The following AOPEP variants were observed in gnomAD, a reference collection of about 807,000 sequenced individuals.
The protein encoded by AOPEP is aminopeptidase O.
In AOPEP, 77 loss-of-function variants were observed where a neutral mutation model predicts 98.1. That is an observed-to-expected ratio of 0.78 (90% CI 0.65 to 0.95). The LOEUF is 0.95. Among genes scored for constraint, AOPEP ranks in the 40% least tolerant of loss-of-function variants. The pLI is 0.00. For synonymous variants in AOPEP, 346 were observed against 365.3 expected (o/e 0.95, Z 0.60); for missense variants, 1,024 against 1,024.7 (o/e 1.00, Z 0.01).
At chr9:95,020,549 G>T (rs542111931) in intron 13 of AOPEP, among the ~76,000 whole-genome samples, 3 of 151,860 alleles carry the variant, frequency 2.0e-5, no homozygotes, top group Non-Finnish European at 4.4e-5. Flanking sequence ...ATTTTACAAG[G>T]CACAGATTAT....
In AOPEP at chr9:94,792,756, T is replaced by A; in HGVS notation, c.965-9T>A. The A allele has an allele frequency of 6.3e-7, 1 of 1,584,298 alleles. No homozygotes were observed. The highest frequency in any genetic ancestry group is 1.1e-5 in the South Asian group (1 of 88,662). On this transcript the variant is annotated splice_polypyrimidine_tract_variant and intron_variant, in intron 3 of 16. Transcript: ENST00000375315. ...GGCCTCATTATGGTTTTTCTCTTCC[T>A]GTTTACAGAGTGCTCAAGCTGGTAT...
At chr9:95,040,801 A>G (rs890958942) in intron 13 of AOPEP, among the ~76,000 whole-genome samples, 9 of 152,166 alleles carry the variant, frequency 5.9e-5, no homozygotes, top group African/African-American at 1.9e-4. Flanking sequence ...GGCTCCTCCC[A>G]TGTTTTTTGC....
At chr9:94,932,822 T>C in intron 7 of AOPEP, 1 of 985,430 alleles carries the variant, frequency 1.0e-6, no homozygotes, top group Non-Finnish European at 1.2e-6. Context: ...GTTTCCTTTG[T>C]ATCCGATGTG....
At chr9:94,792,737 A>G (rs1846015816) in intron 3 of AOPEP, 28 bp from the exon 4 acceptor site, 2 of 1,564,134 alleles carry the variant, frequency 1.3e-6, no homozygotes, top group African/African-American at 2.7e-5. Context: ...TATTGGCCTC[A>G]TTATGGTTTT....
At chr9:94,870,270 G>T (rs765371507) in intron 5 of AOPEP, among the ~76,000 whole-genome samples, 3 of 152,194 alleles carry the variant, frequency 2.0e-5, no homozygotes, top group Non-Finnish European at 4.4e-5. Context: ...GATTAGAGGC[G>T]TGAGCCACCG....
chr9:95,126,759 G>A, the AOPEP span: 7 of 646,458 alleles, frequency 1.1e-5, no homozygotes, highest in Non-Finnish European at 2.0e-5. Context: ...AAGTGCATAC[G>A]GTGGTCTCCC....
intron 14 of AOPEP, among the ~76,000 whole-genome samples, chr9:95,071,448 G>A (rs1318203538): frequency 4.6e-5 from 7 of 152,062 alleles, no homozygotes; most frequent in East Asian, 1.9e-4. Flanking sequence ...ATTGGGTTCC[G>A]TATTTATGTA....
the AOPEP span, among the ~76,000 whole-genome samples, chr9:95,106,362 AAACTC>A: frequency 6.6e-6 from 1 of 152,238 alleles, no homozygotes; most frequent in Non-Finnish European, 1.5e-5. Flanking sequence ...TCTGAATACT[AAACTC>A]TAATCATATA....
intron 5 of AOPEP, among the ~76,000 whole-genome samples, chr9:94,893,894 G>T (rs1053365315): frequency 1.3e-5 from 2 of 152,124 alleles, no homozygotes; most frequent in Non-Finnish European, 2.9e-5. Context: ...AATCACATTG[G>T]AAGACTTGCT....
the AOPEP span, chr9:95,110,503 C>T: frequency 1.8e-5 from 19 of 1,030,182 alleles, no homozygotes; most frequent in African/African-American, 3.4e-5. Flanking sequence ...CAAATACATA[C>T]GTGGGTTATA....
At chr9:94,985,730 T>C (rs1309628380) in intron 11 of AOPEP, among the ~76,000 whole-genome samples, 1 of 152,234 alleles carries the variant, frequency 6.6e-6, no homozygotes, top group Admixed American at 6.5e-5. Flanking sequence ...GGGCTGCTAA[T>C]AATTTTGCTG....
At chr9:94,757,543 G>T (rs1202310657) in intron 1 of AOPEP, among the ~76,000 whole-genome samples, 2 of 152,228 alleles carry the variant, frequency 1.3e-5, no homozygotes, top group African/African-American at 4.8e-5. Flanking sequence ...AGAAACAAAA[G>T]TGGTGACAAC....
At chr9:95,116,893 C>G in the AOPEP span, among the ~76,000 whole-genome samples, 2 of 152,218 alleles carry the variant, frequency 1.3e-5, no homozygotes, top group African/African-American at 2.4e-5. Flanking sequence ...ATTTCCTCAG[C>G]TTCATCCATC....
chr9:95,025,924 G>A (rs1011167936), intron 13 of AOPEP, among the ~76,000 whole-genome samples: 14 of 152,228 alleles, frequency 9.2e-5, no homozygotes, highest in Admixed American at 7.2e-4. Context: ...AGTAAGCTCC[G>A]AGTGGTTAAG....
At position 95,005,590 on chromosome 9, in the gene AOPEP, A is replaced by G; in HGVS notation, c.2089A>G (p.Arg697Gly). 6.2e-7 allele frequency: 1 copy of G among 1,614,006 alleles called. No individual in the cohort carries two copies. The highest frequency in any genetic ancestry group is 8.5e-7 in the Non-Finnish European group (1 of 1,179,926). The change falls in exon 13 of 17, where the codon AGG becomes GGG. Residue 697 changes from arginine to glycine, a missense_variant. Physicochemically the swap from Arg to Gly is moderately radical, Grantham distance 125. Transcript: ENST00000375315. Reference sequence around the variant, plus strand: ...CCGGAGACCCCGAAAACGGAAGCGCAGGGAGAAGGAAGAGGTGTTTGAAAA... The same window carrying G: ...CCGGAGACCCCGAAAACGGAAGCGCGGGGAGAAGGAAGAGGTGTTTGAAAA... ...VNRRPRKRKR[R>G]EKEEVFEKLL... is the part of the protein sequence containing the mutation.
intron 10 of AOPEP, among the ~76,000 whole-genome samples, chr9:94,977,683 C>T (rs984963000): frequency 3.3e-5 from 5 of 152,098 alleles, no homozygotes; most frequent in Admixed American, 2.0e-4. Flanking sequence ...TGGCCATTTG[C>T]GCTGAAGCTG....
chr9:94,850,748 A>G (rs1036597119), intron 5 of AOPEP, among the ~76,000 whole-genome samples: 3 of 152,042 alleles, frequency 2.0e-5, no homozygotes, highest in East Asian at 1.9e-4. Flanking sequence ...ACCCCTCCCT[A>G]TGTGTCTGTG....
At chr9:94,928,769 G>A (rs1476472762) in intron 7 of AOPEP, 2 of 452,456 alleles carry the variant, frequency 4.4e-6, no homozygotes, top group South Asian at 5.5e-5. Flanking sequence ...CATTTCCGGG[G>A]GTCAGATCCT....
intron 2 of AOPEP, 75 bp from the exon 3 acceptor site, chr9:94,772,927 C>A: frequency 7.2e-7 from 1 of 1,397,978 alleles, no homozygotes; most frequent in Non-Finnish European, 9.7e-7. Flanking sequence ...TTAACCTGCA[C>A]TACCATACTG....
Sources: allele counts gnomAD v4.1 joint callset (sites outside exome capture counted in the v4.1 genomes callset), GRCh38; gene constraint gnomAD v4.1.1; transcripts MANE v1.5; gene names NCBI Gene and HGNC (gene_info 2026-07-23, HGNC 2026-07-21).